PADI4: variants seen among roughly 807,000 people sequenced by gnomAD.
PADI4 encodes peptidyl arginine deiminase 4, also known as protein-arginine deiminase type-4.
In PADI4, 62 loss-of-function variants were observed where a neutral mutation model predicts 75.0. The observed-to-expected ratio is 0.83, with a 90% CI of 0.67 to 1.02. PADI4 has a LOEUF of 1.02. Ranked by LOEUF, PADI4 falls within the 50% of genes least tolerant of loss-of-function variation. The pLI is 0.00. For synonymous variants in PADI4, 361 were observed against 348.1 expected (o/e 1.04, Z -0.41); for missense variants, 845 against 850.5 (o/e 0.99, Z 0.08).
rs2240340 is a variant in PADI4 at position 17,336,144 on chromosome 1, T to C, written c.341-15T>C. The C allele has an allele frequency of 0.57, 911,293 of 1,592,118 alleles. 263,124 individuals are homozygous for C. Among genetic ancestry groups the C allele is most frequent in the East Asian group, 0.59 (26,494 of 44,736 alleles). On this transcript the variant is annotated splice_polypyrimidine_tract_variant and intron_variant, in intron 3 of 15. Coordinates refer to ENST00000375448, the MANE Select transcript of PADI4 (RefSeq NM_012387.3). ...GACCCTCACCAACCTCTCCTCTTAC[T>C]TGATGGGATTTCAGAAATCTCCTTG... is the stretch of plus-strand genomic sequence containing the variant.
intron 10 of PADI4, among the ~76,000 whole-genome samples, chr1:17,353,740 G>C (rs1433213916): frequency 6.6e-6 from 1 of 152,178 alleles, no homozygotes; most frequent in Non-Finnish European, 1.5e-5. Context: ...CTGGAATGCG[G>C]GAGGGCCTGT....
intron 10 of PADI4, among the ~76,000 whole-genome samples, chr1:17,349,525 C>T (rs983926674): frequency 2.6e-4 from 40 of 151,852 alleles, no homozygotes; most frequent in East Asian, 1.4e-3. Flanking sequence ...GCCAGCATGG[C>T]GAAATCCCGT....
intron 1 of PADI4, among the ~76,000 whole-genome samples, chr1:17,309,888 C>T (rs1391379189): frequency 3.3e-5 from 5 of 152,188 alleles, no homozygotes; most frequent in African/African-American, 1.2e-4. Context: ...AGCCCAGGGC[C>T]TCTCCCAGCA....
chr1:17,314,121 A>C (rs1214457708), intron 1 of PADI4, among the ~76,000 whole-genome samples: 1 of 152,146 alleles, frequency 6.6e-6, no homozygotes, highest in Non-Finnish European at 1.5e-5. Context: ...AGGAAGCCAC[A>C]TGGGACAGAG....
At chr1:17,353,039 C>T (rs1458736648) in intron 10 of PADI4, among the ~76,000 whole-genome samples, 3 of 152,110 alleles carry the variant, frequency 2.0e-5, no homozygotes, top group African/African-American at 7.2e-5. Flanking sequence ...GCGAGGCCCG[C>T]GCATTGCACT....
rs756648585 is a variant in PADI4, at chr1:17,358,832, TGACA to T, written c.1559-3_1559del. Reference sequence around the variant, plus strand: ...TTTGCCTTTTTTTTCTTTTTCTCCATGACAGAAAAAAAACAGCAGAAAATAAAGA... The same window carrying T: ...TTTGCCTTTTTTTTCTTTTTCTCCATGAAAAAAAACAGCAGAAAATAAAGA... On this transcript the variant is annotated splice_acceptor_variant and splice_polypyrimidine_tract_variant and intron_variant, in intron 13 of 15. Transcript: ENST00000375448. LOFTEE classifies it high-confidence loss of function. The T allele has an allele frequency of 6.3e-7, 1 of 1,589,348 alleles. No homozygotes were observed. Among genetic ancestry groups the T allele is most frequent in the African/African-American group, 1.3e-5 (1 of 74,332 alleles).
intron 10 of PADI4, among the ~76,000 whole-genome samples, chr1:17,350,095 C>A (rs1473699840): frequency 7.8e-6 from 1 of 127,646 alleles, no homozygotes; most frequent in African/African-American, 2.5e-5. Flanking sequence ...CCACTACAGC[C>A]CCCTGTTGAC....
chr1:17,363,748 T>C lies in PADI4; in HGVS notation c.1985T>C (p.Val662Ala). ...KPFSFKWWNM[V>A]P ...TTCTCCTTCAAGTGGTGGAACATGG[T>C]GCCCTGAGCCCATCTTCCCTGGCGT... is the stretch of plus-strand genomic sequence containing the variant. The change falls in exon 16 of 16, where the codon GTG (valine) becomes GCG (alanine). Residue 662 changes from valine (V) to alanine (A), a missense_variant. By Grantham distance (64) the Val-to-Ala change is moderately conservative. Transcript: ENST00000375448. 1 of 1,609,498 alleles carries C rather than the reference T, an allele frequency of 6.2e-7. No individual in the cohort carries two copies. Among genetic ancestry groups the C allele is most frequent in the Admixed American group, 1.7e-5 (1 of 60,000 alleles).
chr1:17,355,373 G>A (rs879767769), intron 11 of PADI4, among the ~76,000 whole-genome samples: 5 of 152,132 alleles, frequency 3.3e-5, no homozygotes, highest in African/African-American at 9.7e-5. Context: ...CTAACATGGC[G>A]AAACCCCGTC....
At chr1:17,314,782 C>A (rs1455080796) in intron 1 of PADI4, among the ~76,000 whole-genome samples, 1 of 152,244 alleles carries the variant, frequency 6.6e-6, no homozygotes, top group African/African-American at 2.4e-5. Flanking sequence ...TGAACCACTC[C>A]ACCCCAGCTG....
intron 5 of PADI4, among the ~76,000 whole-genome samples, chr1:17,338,598 A>G (rs1192452789): frequency 6.6e-6 from 1 of 152,230 alleles, no homozygotes; most frequent in African/African-American, 2.4e-5. Flanking sequence ...CTTTATAGGT[A>G]GGAAAACCAA....
chr1:17,320,251 C>T (rs1038103077), intron 1 of PADI4, among the ~76,000 whole-genome samples: 1 of 126,562 alleles, frequency 7.9e-6, no homozygotes, highest in Non-Finnish European at 1.8e-5. Flanking sequence ...GACTCAGACC[C>T]TCCTGCCTCC....
At chr1:17,328,341 T>C (rs1435056194) in intron 1 of PADI4, among the ~76,000 whole-genome samples, 2 of 151,870 alleles carry the variant, frequency 1.3e-5, no homozygotes, top group Non-Finnish European at 2.9e-5. Flanking sequence ...TTTAAAAGTA[T>C]AGGCCAGGCG....
chr1:17,360,562 C>T (rs1234771132), intron 15 of PADI4, among the ~76,000 whole-genome samples: 1 of 152,202 alleles, frequency 6.6e-6, no homozygotes, highest in East Asian at 1.9e-4. Flanking sequence ...TTCCAGAGCA[C>T]CTTCTGGTAT....
intron 2 of PADI4, among the ~76,000 whole-genome samples, chr1:17,332,034 T>C (rs1484518332): frequency 6.6e-6 from 1 of 152,222 alleles, no homozygotes; most frequent in Non-Finnish European, 1.5e-5. Flanking sequence ...CAGATTTTTC[T>C]GGAGGCTCCA....
chr1:17,320,001 T>C (rs1226143076), intron 1 of PADI4, among the ~76,000 whole-genome samples: 1 of 152,214 alleles, frequency 6.6e-6, no homozygotes, highest in East Asian at 1.9e-4. Flanking sequence ...AACAAATCAC[T>C]ACAAACTTAG....
At chr1:17,318,558 C>G (rs2073979307) in intron 1 of PADI4, among the ~76,000 whole-genome samples, 1 of 152,174 alleles carries the variant, frequency 6.6e-6, no homozygotes, top group Admixed American at 6.5e-5. Context: ...GAAGAATAAC[C>G]TGACTGCTGA....
intron 1 of PADI4, among the ~76,000 whole-genome samples, chr1:17,318,403 C>A (rs2073976940): frequency 6.6e-6 from 1 of 152,186 alleles, no homozygotes; most frequent in Non-Finnish European, 1.5e-5. Flanking sequence ...AATGGCCACA[C>A]AGAGAAAGGT....
intron 1 of PADI4, among the ~76,000 whole-genome samples, chr1:17,310,145 A>G (rs552566542): frequency 1.3e-5 from 2 of 152,324 alleles, no homozygotes; most frequent in South Asian, 4.2e-4. Flanking sequence ...AACAATGGCT[A>G]ATATTTACAT....
Sources: allele counts gnomAD v4.1 joint callset (sites outside exome capture counted in the v4.1 genomes callset), GRCh38; gene constraint gnomAD v4.1.1; transcripts MANE v1.5; gene names NCBI Gene and HGNC (gene_info 2026-07-23, HGNC 2026-07-21).